The following CORO7 variants were observed in gnomAD, a reference collection of about 807,000 sequenced individuals.
The protein encoded by CORO7 is coronin 7.
In CORO7, 107 loss-of-function variants were observed where a neutral mutation model predicts 126.6. The observed-to-expected ratio is 0.85, with a 90% CI of 0.72 to 0.99. The LOEUF is 0.99. Among genes scored for constraint, CORO7 ranks in the 50% least tolerant of loss-of-function variants. The probability of loss-of-function intolerance (pLI) is 0.00; values close to 1 mark genes in which losing one functional copy is unlikely to be tolerated. For missense variants in CORO7, 1,314 were observed against 1,255.8 expected (o/e 1.05, Z -0.70); for synonymous variants, 603 against 536.8 (o/e 1.12, Z -1.70).
intron 23 of CORO7, chr16:4,358,806 T>C (rs1255601152): frequency 5.9e-6 from 2 of 336,778 alleles, no homozygotes; most frequent in African/African-American, 4.3e-5. Flanking sequence ...CACAGAAACA[T>C]GTGACCTCAG....
At chr16:4,400,674 G>C (rs1197350265) in intron 6 of CORO7, among the ~76,000 whole-genome samples, 3 of 151,540 alleles carry the variant, frequency 2.0e-5, no homozygotes, top group Non-Finnish European at 1.5e-5. Flanking sequence ...ACAAAAAGTA[G>C]CCGGGTGTGG....
At chr16:4,393,525 C>T (rs184448802) in intron 7 of CORO7, among the ~76,000 whole-genome samples, 240 of 152,280 alleles carry the variant, frequency 1.6e-3, no homozygotes, top group Admixed American at 2.9e-3. Flanking sequence ...CTGACTGTAC[C>T]GTTTGGACTA....
rs2056287892 is a variant in CORO7 at position 4,413,395 on chromosome 16, T to G, written c.70A>C (p.Ser24Arg). The G allele has an allele frequency of 6.4e-7, 1 of 1,572,680 alleles. No homozygotes were observed. Among genetic ancestry groups the G allele is most frequent in the Non-Finnish European group, 8.6e-7 (1 of 1,157,458 alleles). The change falls in exon 2 of 28, where the codon AGT becomes CGT. Residue 24 changes from serine (S) to arginine (R), a missense_variant. By Grantham distance (110) the Ser-to-Arg change is moderately radical. Coordinates refer to ENST00000251166, the MANE Select transcript of CORO7 (RefSeq NM_024535.5). The part of the protein sequence containing the change: ...ARPPRRESWI[S>R]DIRAGTAPSC... ...GGGGCGGTTCCTGCTCGAATGTCAC[T>G]GATCCAGGACTGAAAATCAAGAGTA...
intron 7 of CORO7, among the ~76,000 whole-genome samples, chr16:4,391,938 C>T (rs990175933): frequency 6.6e-6 from 1 of 152,146 alleles, no homozygotes; most frequent in Non-Finnish European, 1.5e-5. Context: ...AGGGGAGGCG[C>T]GTGCCCGCCC....
intron 7 of CORO7, among the ~76,000 whole-genome samples, chr16:4,392,267 G>C (rs539116019): frequency 6.6e-6 from 1 of 152,298 alleles, no homozygotes; most frequent in South Asian, 2.1e-4. Context: ...AGGGGCGGCA[G>C]TGGGGGTCCT....
chr16:4,362,713 G>C lies in CORO7; in HGVS notation c.1301C>G (p.Ser434Trp). Residue 434 changes from serine to tryptophan, a missense_variant, in exon 15 of 28, where the codon TCG becomes TGG. By Grantham distance (177) the Ser-to-Trp change is radical. Transcript: ENST00000251166. The surrounding 1 kb of genome is among the most constrained non-coding windows in gnomAD (Gnocchi z 5.3). Reference protein sequence around the residue: ...ASEGFSSPPSSLTSPSTPSSL... With the variant: ...ASEGFSSPPSWLTSPSTPSSL... ...GGAGGGCGTGGAGGGCGAGGTCAGC[G>C]AACTGGGAGGGGAAGAGAAACCCTC... 6.9e-7 allele frequency: 1 copy of C among 1,445,234 alleles called. No homozygotes were observed. Among genetic ancestry groups the C allele is most frequent in the Non-Finnish European group, 9.1e-7 (1 of 1,094,558 alleles). The allele number at this position is 1,445,234 out of a possible 1,614,324, so 89.5% of individuals were successfully genotyped here.
chr16:4,357,118 T>G, intron 26 of CORO7, 50 bp downstream of exon 26: 1 of 1,610,200 alleles, frequency 6.2e-7, no homozygotes, highest in Non-Finnish European at 8.5e-7. Flanking sequence ...CGTGGCCAGG[T>G]GCAGCCAGGA....
At chr16:4,402,664 C>T (rs536781644) in intron 6 of CORO7, among the ~76,000 whole-genome samples, 100 of 152,274 alleles carry the variant, frequency 6.6e-4, no homozygotes, top group Admixed American at 2.6e-3. Context: ...GGGCCACCCT[C>T]ATGGAGGAGC....
rs914760520 is a variant in CORO7 at position 4,413,387 on chromosome 16, A to G, written c.78T>C (p.Ile26=). 6.3e-7 allele frequency: 1 copy of G among 1,575,718 alleles called. No homozygotes were observed. The highest frequency in any genetic ancestry group is 8.6e-7 in the Non-Finnish European group (1 of 1,159,154). Residue 26 remains isoleucine, a synonymous_variant, in exon 2 of 28, where the codon ATT becomes ATC. Transcript: ENST00000251166. ...TGCATGAAGGGGCGGTTCCTGCTCGAATGTCACTGATCCAGGACTGAAAAT... is the reference window on the plus strand; with the variant it reads ...TGCATGAAGGGGCGGTTCCTGCTCGGATGTCACTGATCCAGGACTGAAAAT... ...PPRRESWISD[I]RAGTAPSCRN...
At chr16:4,375,155 G>A (rs2054674801) in intron 9 of CORO7, among the ~76,000 whole-genome samples, 1 of 152,230 alleles carries the variant, frequency 6.6e-6, no homozygotes, top group Non-Finnish European at 1.5e-5. Context: ...TTGAGCTGGG[G>A]CCTGGCCTTA....
At position 4,358,474 on chromosome 16, in the gene CORO7, G is replaced by C; in HGVS notation, c.2350C>G (p.Leu784Val). Residue 784 changes from leucine to valine, a missense_variant, in exon 24 of 28, where the codon CTC becomes GTC. By Grantham distance (32) the Leu-to-Val change is conservative (BLOSUM62 1). Transcript: ENST00000251166. Reference protein sequence around the residue: ...TSPDPHKGLVLLPKTECDVRE... With the variant: ...TSPDPHKGLVVLPKTECDVRE... ...ACGTCGCACTCCGTCTTAGGCAGGA[G>C]GACGAGGCCCTGGGGGAGCAAGGGA... The C allele has an allele frequency of 6.3e-7, 1 of 1,598,122 alleles. No homozygotes were observed. Among genetic ancestry groups the C allele is most frequent in the African/African-American group, 1.3e-5 (1 of 74,696 alleles).
chr16:4,382,022 C>A (rs747767653), intron 9 of CORO7: 115 of 1,602,980 alleles, frequency 7.2e-5, no homozygotes, highest in Non-Finnish European at 9.7e-5. Flanking sequence ...TGGCTTAGCC[C>A]CACAGAGCCG....
chr16:4,412,485 C>T, intron 2 of CORO7, 55 bp from the exon 3 acceptor site: 7 of 1,590,266 alleles, frequency 4.4e-6, no homozygotes, highest in Non-Finnish European at 6.0e-6. Flanking sequence ...CACCCACCTC[C>T]TTGCCCAGGG....
intron 1 of CORO7, among the ~76,000 whole-genome samples, chr16:4,416,253 C>G (rs1011135418): frequency 6.6e-6 from 1 of 152,142 alleles, no homozygotes; most frequent in African/African-American, 2.4e-5. Context: ...AGCGCCAGAG[C>G]GAGTCACGGG....
chr16:4,398,632 C>T (rs2055688615), intron 6 of CORO7, among the ~76,000 whole-genome samples: 1 of 150,190 alleles, frequency 6.7e-6, no homozygotes, highest in Admixed American at 6.7e-5. Context: ...TGCCATTGCA[C>T]TCCAGCCTGG....
intron 19 of CORO7, 60 bp from the exon 20 acceptor site, chr16:4,360,608 C>T: frequency 6.5e-7 from 1 of 1,536,034 alleles, no homozygotes; most frequent in Non-Finnish European, 8.8e-7. Flanking sequence ...CACCTCTCCC[C>T]ACTGCTCCTG....
At chr16:4,374,490 A>G (rs2054648139) in intron 9 of CORO7, among the ~76,000 whole-genome samples, 2 of 152,090 alleles carry the variant, frequency 1.3e-5, no homozygotes, top group Admixed American at 6.5e-5. Flanking sequence ...AGGTTCTGAC[A>G]TTCCTCAGGG....
chr16:4,357,246 G>C lies in CORO7; in HGVS notation c.2607C>G (p.Pro869=). The change falls in exon 26 of 28, where the codon CCC becomes CCG. Residue 869 remains proline (P), a synonymous_variant. Transcript: ENST00000251166. ...PPDMSPVSQA[P]REAPARRAPS... ...GGGCCCGACGAGCAGGGGCCTCTCG[G>C]GGGGCTTGGCTCACTGGGACAGAGC... The C allele has an allele frequency of 6.2e-7, 1 of 1,613,448 alleles. No individual in the cohort carries two copies. The highest frequency in any genetic ancestry group is 8.5e-7 in the Non-Finnish European group (1 of 1,179,824).
At chr16:4,397,052 C>T (rs1341689633) in intron 6 of CORO7, among the ~76,000 whole-genome samples, 1 of 147,704 alleles carries the variant, frequency 6.8e-6, no homozygotes, top group African/African-American at 2.5e-5. Flanking sequence ...AGAAAAACAA[C>T]ATCATTTGCA....
Sources: allele counts gnomAD v4.1 joint callset (sites outside exome capture counted in the v4.1 genomes callset), GRCh38; gene constraint gnomAD v4.1.1; non-coding constraint Gnocchi (gnomAD v3.1); transcripts MANE v1.5; gene names NCBI Gene and HGNC (gene_info 2026-07-23, HGNC 2026-07-21).